MICU2: variants seen among roughly 807,000 people sequenced by gnomAD.
MICU2 encodes the protein mitochondrial calcium uptake 2.
Under a neutral mutation model 60.4 loss-of-function variants are expected in MICU2, and 64 were observed. The ratio of observed to expected loss-of-function variants is 1.06; its 90% CI spans 0.87 to 1.31. MICU2 has a LOEUF of 1.31. MICU2 is among the 50% of genes most tolerant of loss of function. MICU2 has a pLI of 0.00. For missense variants in MICU2, 569 were observed against 531.0 expected (o/e 1.07, Z -0.70); for synonymous variants, 201 against 175.0 (o/e 1.15, Z -1.17).
intron 4 of MICU2, chr13:21,531,182 C>T: frequency 1.1e-6 from 1 of 942,892 alleles, no homozygotes; most frequent in Admixed American, 1.7e-5. Context: ...AAAAGGAAGA[C>T]ATTCTTAATA....
chr13:21,593,593 A>AC (rs1366538977), intron 1 of MICU2, among the ~76,000 whole-genome samples: 3 of 150,660 alleles, frequency 2.0e-5, no homozygotes, highest in East Asian at 1.9e-4. Flanking sequence ...AAAAAAAAAA[A>AC]ACAAAGCTGG....
At chr13:21,587,762 C>G (rs546002863) in intron 1 of MICU2, among the ~76,000 whole-genome samples, 7 of 152,268 alleles carry the variant, frequency 4.6e-5, no homozygotes, top group African/African-American at 1.7e-4. Context: ...GAACTAGGGA[C>G]TATACTAAGT....
chr13:21,587,839 T>C (rs1233124067), intron 1 of MICU2, among the ~76,000 whole-genome samples: 1 of 152,186 alleles, frequency 6.6e-6, no homozygotes, highest in African/African-American at 2.4e-5. Context: ...AGTTATAAGA[T>C]ACTAAAAACT....
chr13:21,571,349 G>C (rs1478751130), intron 1 of MICU2, among the ~76,000 whole-genome samples: 1 of 152,096 alleles, frequency 6.6e-6, no homozygotes, highest in Non-Finnish European at 1.5e-5. Context: ...ACCAGCCTGA[G>C]CAATGTAGTG....
chr13:21,575,729 CAAAAAAAAAAAAA>C (rs10557584), intron 1 of MICU2, among the ~76,000 whole-genome samples: 1 of 48,058 alleles, frequency 2.1e-5, no homozygotes, highest in East Asian at 6.5e-4. Context: ...GACTCTGTCT[CAAAAAAAAAAAAA>C]AAAAAAAAAA....
chr13:21,537,503 C>T (rs1254102008), intron 4 of MICU2, among the ~76,000 whole-genome samples: 1 of 141,230 alleles, frequency 7.1e-6, no homozygotes, highest in Non-Finnish European at 1.5e-5. Flanking sequence ...GAGTTTCACT[C>T]TTGTTGCCCA....
chr13:21,525,294 G>A (rs959638131), intron 4 of MICU2, among the ~76,000 whole-genome samples: 14 of 138,106 alleles, frequency 1.0e-4, no homozygotes, highest in African/African-American at 3.5e-4. Flanking sequence ...CCAGGTTCAC[G>A]CCATTCTCCT....
rs773417856 is a variant in MICU2, at chr13:21,493,313, A to G, written c.1241T>C (p.Val414Ala). 2.5e-6 allele frequency: 4 copies of G among 1,610,662 alleles called. No homozygotes were observed. Among genetic ancestry groups the G allele is most frequent in the Non-Finnish European group, 3.4e-6 (4 of 1,178,736 alleles). The stretch of plus-strand genomic sequence containing the variant: ...TACTCCTTTAATGCTTTCTTTCTTC[A>G]CACACTTCCAGTATTCTTGTATACT... The part of the protein sequence containing the change: ...HQSIQEYWKC[V>A]KKESIKGVKE... Residue 414 changes from valine (V) to alanine (A), a missense_variant, in exon 12 of 12, where the codon GTG becomes GCG. By Grantham distance (64) the Val-to-Ala change is moderately conservative (BLOSUM62 0). Coordinates refer to ENST00000382374, the MANE Select transcript of MICU2 (RefSeq NM_152726.3).
chr13:21,539,490 A>G (rs1348121572), intron 3 of MICU2, 113 bp from the exon 4 acceptor site: 1 of 1,303,192 alleles, frequency 7.7e-7, no homozygotes. Flanking sequence ...TTTAGTAGAC[A>G]CAGGGCTTCA....
chr13:21,549,180 T>G (rs547166160), intron 2 of MICU2, among the ~76,000 whole-genome samples: 3 of 152,016 alleles, frequency 2.0e-5, no homozygotes, highest in Non-Finnish European at 2.9e-5. Flanking sequence ...CCGCCCGCCT[T>G]GGCCTCCCAA....
rs183770233 is a variant in MICU2, at chr13:21,563,091, G to A, written c.358+3706C>T. Among the ~76,000 whole-genome samples the A allele has an allele frequency of 5.8e-3, 884 of 152,134 alleles. 6 individuals are homozygous for A. Among genetic ancestry groups the A allele is most frequent in the Non-Finnish European group, 9.6e-3 (654 of 67,990 alleles). ...AAAGAAATATATAATTCTTACCATT[G>A]TTTTTCTACAGATAAGGTGTTTTTT... On this transcript the variant is annotated intron_variant, in intron 2 of 11. Transcript: ENST00000382374.
chr13:21,602,888 C>G, intron 1 of MICU2: 1 of 151,948 alleles, frequency 6.6e-6, no homozygotes, highest in East Asian at 1.9e-4. Flanking sequence ...CTTACTAAGT[C>G]TACAAAAATT....
At chr13:21,557,645 T>C (rs1056601990) in intron 2 of MICU2, among the ~76,000 whole-genome samples, 11 of 152,202 alleles carry the variant, frequency 7.2e-5, no homozygotes, top group African/African-American at 2.7e-4. Context: ...AGATCATGGG[T>C]CAGTGGGTTG....
At chr13:21,506,501 T>G (rs1886295401) in intron 8 of MICU2, among the ~76,000 whole-genome samples, 1 of 152,248 alleles carries the variant, frequency 6.6e-6, no homozygotes, top group African/African-American at 2.4e-5. Flanking sequence ...GACACTCTTC[T>G]GCTAGCCTGG....
At position 21,539,644 on chromosome 13, in the gene MICU2, A is replaced by ACATGATGCTTACC. The variant is rs1887233444; in HGVS notation, c.390_390+12dup. 6.2e-7 allele frequency: 1 copy of ACATGATGCTTACC among 1,613,866 alleles called. No individual in the cohort carries two copies. The highest frequency in any genetic ancestry group is 1.7e-5 in the Admixed American group (1 of 59,986). ...CCAAAAACAAACCCTGCCCCCCACA[A>ACATGATGCTTACC]CATGATGCTTACCTTTTTTGTCAGC... On this transcript the variant is annotated intron_variant, in intron 3 of 11. Coordinates refer to ENST00000382374, the MANE Select transcript of MICU2 (RefSeq NM_152726.3).
intron 6 of MICU2, among the ~76,000 whole-genome samples, chr13:21,517,770 G>GACACACACAC (rs374373614): frequency 4.2e-4 from 61 of 144,604 alleles, no homozygotes; most frequent in African/African-American, 1.5e-3. Flanking sequence ...ACAGAGCGAG[G>GACACACACAC]ACACACACAC....
At chr13:21,555,913 C>T (rs1035365909) in intron 2 of MICU2, among the ~76,000 whole-genome samples, 3 of 152,198 alleles carry the variant, frequency 2.0e-5, no homozygotes, top group South Asian at 4.1e-4. Context: ...CAAGCTTCCA[C>T]TGTGCTCTCA....
chr13:21,503,151 T>C (rs1886220992), intron 8 of MICU2, 54 bp from the exon 9 acceptor site: 2 of 1,354,392 alleles, frequency 1.5e-6, no homozygotes, highest in South Asian at 2.6e-5. Flanking sequence ...CAACCTTAAA[T>C]ATTGTAAATG....
At chr13:21,494,089 G>C (rs751698366) in intron 11 of MICU2, among the ~76,000 whole-genome samples, 5 of 152,122 alleles carry the variant, frequency 3.3e-5, no homozygotes, top group Non-Finnish European at 7.4e-5. Flanking sequence ...ACTCAATTGT[G>C]AACTGAAAAG....
Sources: allele counts gnomAD v4.1 joint callset (sites outside exome capture counted in the v4.1 genomes callset), GRCh38; gene constraint gnomAD v4.1.1; transcripts MANE v1.5; gene names NCBI Gene and HGNC (gene_info 2026-07-23, HGNC 2026-07-21).